The following KMT2A variants were observed in gnomAD, a reference collection of about 807,000 sequenced individuals.
The protein encoded by KMT2A is histone-lysine N-methyltransferase 2A.
In KMT2A, 16 loss-of-function variants were observed where a neutral mutation model predicts 345.3. That is an observed-to-expected ratio of 0.05 (90% confidence interval 0.03 to 0.07). The LOEUF (loss-of-function observed/expected upper bound fraction) is 0.07. KMT2A is among the 10% of genes least tolerant of loss of function. The pLI, the probability that KMT2A is intolerant of heterozygous loss-of-function variation, is 1.00. For missense variants in KMT2A, 3,272 were observed against 4,841.6 expected (o/e 0.68, Z 9.62); for synonymous variants, 1,599 against 1,778.6 (o/e 0.90, Z 2.54).
In KMT2A at chr11:118,490,222, C is replaced by T; in HGVS notation, c.4669C>T (p.His1557Tyr). 1 of 1,574,266 alleles carries T rather than the reference C, an allele frequency of 6.4e-7. No homozygotes were observed. The highest frequency in any genetic ancestry group is 8.6e-7 in the Non-Finnish European group (1 of 1,169,086). Residue 1557 changes from histidine to tyrosine, a missense_variant, in exon 13 of 36, where the codon CAT becomes TAT. By Grantham distance (83) the His-to-Tyr change is moderately conservative (BLOSUM62 2). Around this residue, in one of 27 missense-constraint regions of KMT2A, gnomAD observed 120 missense variants for 280.4 expected, o/e 0.43. Transcript: ENST00000534358. This position sits in a 1 kb window ranked among gnomAD's most constrained non-coding sequence, Gnocchi z 4.2. ...AQWSHDFSLC[H>Y]DCAKLFAKGN... is the part of the protein sequence containing the mutation. ...GTGGTCTCATGATTTCTCACTGTGT[C>T]ATGATTGCGCCAAGCTCTTTGCTAA...
intron 29 of KMT2A, among the ~76,000 whole-genome samples, chr11:118,509,568 C>T (rs1950647059): frequency 2.0e-5 from 3 of 152,062 alleles, no homozygotes; most frequent in Admixed American, 2.0e-4. Context: ...GGTTACAATA[C>T]CAGATACATC....
chr11:118,472,775 G>T lies in KMT2A; in HGVS notation c.1616G>T (p.Gly539Val), dbSNP rs2134263073. 2 of 1,613,572 alleles carry T rather than the reference G, an allele frequency of 1.2e-6. No individual in the cohort carries two copies. Among genetic ancestry groups the T allele is most frequent in the Non-Finnish European group, 8.5e-7 (1 of 1,179,946 alleles). ...TATTCAGTGTCGGAGAGAAGTTTTG[G>T]ATCTAGAACGACGAAAAAATTATCA... is the stretch of plus-strand genomic sequence containing the variant. ...RRYSVSERSFGSRTTKKLSTL... is the reference protein window; with the variant it reads ...RRYSVSERSFVSRTTKKLSTL... The change falls in exon 3 of 36, where the codon GGA (glycine) becomes GTA (valine). Residue 539 changes from glycine (G) to valine (V), a missense_variant. By Grantham distance (109) the Gly-to-Val change is moderately radical. This residue lies in a region of KMT2A where 180 missense variants were observed against 190.7 expected (regional missense o/e 0.94). Coordinates refer to ENST00000534358, the MANE Select transcript of KMT2A (RefSeq NM_001197104.2).
chr11:118,513,579 TAAAAA>T (rs1183295722), intron 31 of KMT2A, among the ~76,000 whole-genome samples: 1 of 151,054 alleles, frequency 6.6e-6, no homozygotes, highest in African/African-American at 2.4e-5. Context: ...CTTTTTTAAT[TAAAAA>T]AAAGAGAAAA....
At chr11:118,467,661 C>T (rs1555034446) in intron 1 of KMT2A, among the ~76,000 whole-genome samples, 1 of 152,170 alleles carries the variant, frequency 6.6e-6, no homozygotes, top group East Asian at 1.9e-4. Context: ...AGACAGTTAG[C>T]ACCTGACTCT....
Position 118,503,825 on chromosome 11 carries a change from G to C in KMT2A, c.7933G>C (p.Glu2645Gln). 1 of 1,614,186 alleles carries C rather than the reference G, an allele frequency of 6.2e-7. No homozygotes were observed. The highest frequency in any genetic ancestry group is 1.1e-5 in the South Asian group (1 of 91,090). Reference protein sequence around the residue: ...TPLYGVRSYGEEDIPFYSSST... With the variant: ...TPLYGVRSYGQEDIPFYSSST... The stretch of plus-strand genomic sequence containing the variant: ...ACTCTATGGAGTAAGATCCTATGGT[G>C]AAGAAGACATTCCATTCTACAGCAG... The change falls in exon 27 of 36, where the codon GAA becomes CAA. Residue 2645 changes from glutamate (E) to glutamine (Q), a missense_variant. Transcript: ENST00000534358. This position sits in a 1 kb window ranked among gnomAD's most constrained non-coding sequence, Gnocchi z 5.3.
Position 118,495,091 on chromosome 11 carries a change from T to C in KMT2A, c.5363+324T>C, listed in dbSNP as rs782449908. On this transcript the variant is annotated intron_variant, in intron 18 of 35. Coordinates refer to ENST00000534358, the MANE Select transcript of KMT2A (RefSeq NM_001197104.2). The surrounding 1 kb of genome is among the most constrained non-coding windows in gnomAD (Gnocchi z 4.1). ...TAGTTCAAATGGTGCTTTGTACTGC[T>C]CTTGATTTTCCATATGTAACCTTTA... Among the ~76,000 whole-genome samples, 1 of 152,176 alleles carries C rather than the reference T, an allele frequency of 6.6e-6. No homozygotes were observed. The highest frequency in any genetic ancestry group is 1.5e-5 in the Non-Finnish European group (1 of 68,030).
At chr11:118,513,954 A>AG (rs1305077448) in intron 31 of KMT2A, among the ~76,000 whole-genome samples, 2 of 150,952 alleles carry the variant, frequency 1.3e-5, no homozygotes, top group African/African-American at 4.9e-5. Flanking sequence ...AAAAAAAAAA[A>AG]AAAAGAAAAA....
intron 1 of KMT2A, among the ~76,000 whole-genome samples, chr11:118,440,540 G>C (rs182693041): frequency 6.6e-6 from 1 of 152,084 alleles, no homozygotes; most frequent in Admixed American, 6.6e-5. Context: ...ACTAGTCTTC[G>C]TTTATTAATG....
rs2134280317 is a variant in KMT2A at position 118,476,216 on chromosome 11, G to A, written c.3157-589G>A. ...CCACCACCTATACTTTCATTTATAAGTTATTTCACCCCTACTTCTCTGATG... is the reference window on the plus strand; with the variant it reads ...CCACCACCTATACTTTCATTTATAAATTATTTCACCCCTACTTCTCTGATG... On this transcript the variant is annotated intron_variant, in intron 3 of 35. Transcript: ENST00000534358. The surrounding 1 kb of genome is among the most constrained non-coding windows in gnomAD (Gnocchi z 4.1). Among the ~76,000 whole-genome samples, 1 of 152,258 alleles carries A rather than the reference G, an allele frequency of 6.6e-6. No homozygotes were observed. The highest frequency in any genetic ancestry group is 1.9e-4 in the East Asian group (1 of 5,186).
chr11:118,468,488 A>G (rs1458839211), intron 1 of KMT2A, among the ~76,000 whole-genome samples: 1 of 152,176 alleles, frequency 6.6e-6, no homozygotes, highest in East Asian at 1.9e-4. Flanking sequence ...TTTGGGCTGT[A>G]TCTATAGTTT....
chr11:118,462,370 A>C (rs1447491535), intron 1 of KMT2A, among the ~76,000 whole-genome samples: 1 of 151,984 alleles, frequency 6.6e-6, no homozygotes, highest in African/African-American at 2.4e-5. Context: ...ATAGGCTTGG[A>C]AGTTCCAAGT....
intron 10 of KMT2A, among the ~76,000 whole-genome samples, chr11:118,488,257 G>A (rs925558811): frequency 1.3e-5 from 2 of 152,092 alleles, no homozygotes; most frequent in South Asian, 2.1e-4. Context: ...CCTTACAACT[G>A]TTTCGTATAT....
chr11:118,470,493 AT>A (rs1198705643), intron 2 of KMT2A, among the ~76,000 whole-genome samples: 1 of 152,188 alleles, frequency 6.6e-6, no homozygotes, highest in Non-Finnish European at 1.5e-5. Flanking sequence ...TATTTGAGAA[AT>A]GAGACATGGT....
At chr11:118,479,858 G>A (rs1950100618) in intron 5 of KMT2A, among the ~76,000 whole-genome samples, 3 of 152,162 alleles carry the variant, frequency 2.0e-5, no homozygotes, top group Non-Finnish European at 2.9e-5. Context: ...AAGAGAGTAG[G>A]ACTGATGCGA....
chr11:118,484,092 A>T lies in KMT2A; in HGVS notation c.4087-91A>T. 2.5e-6 allele frequency: 3 copies of T among 1,221,216 alleles called. No individual in the cohort carries two copies. Among genetic ancestry groups the T allele is most frequent in the Non-Finnish European group, 3.5e-6 (3 of 860,992 alleles). 75.6% of individuals were successfully genotyped at this position (1,221,216 alleles called of 1,614,324 possible). A position where few individuals can be genotyped will look rare whatever the true frequency, so the allele number is the denominator to read the frequency against. On this transcript the variant is annotated intron_variant, in intron 8 of 35. Transcript: ENST00000534358. This position sits in a 1 kb window ranked among gnomAD's most constrained non-coding sequence, Gnocchi z 4.1. ...TGGAAACATGTTTTTTAGATCTATT[A>T]ATAAAATTTGTCATTTGCATTATTA... is the stretch of plus-strand genomic sequence containing the variant.
chr11:118,466,913 G>A (rs1949854461), intron 1 of KMT2A, among the ~76,000 whole-genome samples: 1 of 152,102 alleles, frequency 6.6e-6, no homozygotes, highest in Non-Finnish European at 1.5e-5. Context: ...ACTCCAGTAA[G>A]CCAGGCATAG....
intron 1 of KMT2A, among the ~76,000 whole-genome samples, chr11:118,463,845 T>TG (rs1200113573): frequency 6.6e-6 from 1 of 152,198 alleles, no homozygotes; most frequent in Admixed American, 6.5e-5. Context: ...TGCACTAACT[T>TG]GTCATAACAT....
chr11:118,453,242 A>G (rs563165614), intron 1 of KMT2A, among the ~76,000 whole-genome samples: 1 of 152,092 alleles, frequency 6.6e-6, no homozygotes, highest in Admixed American at 6.5e-5. Context: ...TCTTTCCTCA[A>G]CTACTCCAGT....
intron 1 of KMT2A, among the ~76,000 whole-genome samples, chr11:118,455,706 AT>A (rs1254101156): frequency 2.8e-5 from 4 of 144,164 alleles, no homozygotes; most frequent in Non-Finnish European, 3.1e-5. Flanking sequence ...TTATTTATTT[AT>A]TTTTTTTTGA....
Sources: gnomAD v4.1 joint callset for allele counts (sites outside exome capture counted in the v4.1 genomes callset) on GRCh38, gnomAD v4.1.1 for gene constraint, gnomAD v4.1.1 regional missense constraint, Gnocchi (gnomAD v3.1) non-coding constraint, MANE v1.5 for transcripts, NCBI Gene and HGNC (gene_info 2026-07-23, HGNC 2026-07-21) for gene names.